The following BMP2K variants were observed in gnomAD, a reference collection of about 807,000 sequenced individuals.
The protein encoded by BMP2K is BMP-2-inducible protein kinase.
A neutral mutation model predicts 116.0 loss-of-function variants in BMP2K; 74 were observed. The observed-to-expected ratio is 0.64, with a 90% CI of 0.53 to 0.77. The LOEUF is 0.77. Ranked by LOEUF, BMP2K falls within the 30% of genes least tolerant of loss-of-function variation. The pLI, the probability that BMP2K is intolerant of heterozygous loss-of-function variation, is 0.00. For synonymous variants in BMP2K, 486 were observed against 502.5 expected (o/e 0.97, Z 0.44); for missense variants, 1,365 against 1,403.6 (o/e 0.97, Z 0.44).
At chr4:78,906,013 T>C (rs1002841743) in intron 15 of BMP2K, 1 of 152,098 alleles carries the variant, frequency 6.6e-6, no homozygotes, top group African/African-American at 2.4e-5. Flanking sequence ...TGAAATACTT[T>C]TTATTTTTGT....
chr4:78,829,410 T>G (rs1023864481), intron 2 of BMP2K, among the ~76,000 whole-genome samples: 9 of 151,398 alleles, frequency 5.9e-5, no homozygotes, highest in Middle Eastern at 3.4e-3. Context: ...TTGTTTTTTT[T>G]TTTTTTTCTG....
intron 3 of BMP2K, among the ~76,000 whole-genome samples, chr4:78,839,552 A>G (rs1262915922): frequency 6.6e-6 from 1 of 152,196 alleles, no homozygotes; most frequent in African/African-American, 2.4e-5. Context: ...TACTACAGAT[A>G]AAATTGAAAA....
At chr4:78,828,446 G>C (rs1208566660) in intron 2 of BMP2K, among the ~76,000 whole-genome samples, 1 of 152,128 alleles carries the variant, frequency 6.6e-6, no homozygotes, top group Non-Finnish European at 1.5e-5. Flanking sequence ...GGTTTTTATG[G>C]AAGCTTCATG....
Position 78,911,183 on chromosome 4 carries a change from A to G in BMP2K, c.2636A>G (p.Asn879Ser), listed in dbSNP as rs1303553012. 2 of 1,613,548 alleles carry G rather than the reference A, an allele frequency of 1.2e-6. No individual in the cohort carries two copies. Among genetic ancestry groups the G allele is most frequent in the Non-Finnish European group, 1.7e-6 (2 of 1,179,764 alleles). The change falls in exon 16 of 16, where the codon AAC becomes AGC. Residue 879 changes from asparagine to serine, a missense_variant. This residue lies in a region of BMP2K where 596 missense variants were observed against 623.2 expected (regional missense o/e 0.96). Transcript: ENST00000502613. ...QQPQQEKNEK[N>S]LPQHRFPAAG... ...CCCCAGCAAGAAAAGAATGAAAAGAACCTCCCTCAACACAGGTTTCCTGCT... is the reference window on the plus strand; with the variant it reads ...CCCCAGCAAGAAAAGAATGAAAAGAGCCTCCCTCAACACAGGTTTCCTGCT...
intron 1 of BMP2K, among the ~76,000 whole-genome samples, chr4:78,814,862 T>C (rs1161635393): frequency 6.6e-6 from 1 of 152,174 alleles, no homozygotes; most frequent in Non-Finnish European, 1.5e-5. Context: ...ACATTTGATA[T>C]TATTATATTC....
chr4:78,834,446 A>G (rs1347850012), intron 3 of BMP2K, among the ~76,000 whole-genome samples: 2 of 151,954 alleles, frequency 1.3e-5, no homozygotes, highest in East Asian at 1.9e-4. Context: ...TATTTTTAGT[A>G]GAGATGGGGT....
chr4:78,806,629 C>T (rs1458636613), intron 1 of BMP2K, among the ~76,000 whole-genome samples: 1 of 152,070 alleles, frequency 6.6e-6, no homozygotes, highest in Non-Finnish European at 1.5e-5. Flanking sequence ...TATATACCTG[C>T]TGTGTATCAA....
chr4:78,810,890 A>G (rs903310899), intron 1 of BMP2K, among the ~76,000 whole-genome samples: 10 of 152,222 alleles, frequency 6.6e-5, no homozygotes, highest in Admixed American at 3.9e-4. Flanking sequence ...AATTTTTGCC[A>G]GTATCCTCAT....
At chr4:78,860,975 C>T (rs1731749681) in intron 8 of BMP2K, among the ~76,000 whole-genome samples, 1 of 151,782 alleles carries the variant, frequency 6.6e-6, no homozygotes, top group African/African-American at 2.4e-5. Context: ...TTTTCCAGGC[C>T]TTACATTCTG....
At chr4:78,793,310 T>C (rs1578471004) in intron 1 of BMP2K, among the ~76,000 whole-genome samples, 1 of 150,158 alleles carries the variant, frequency 6.7e-6, no homozygotes, top group African/African-American at 2.5e-5. Flanking sequence ...CTCGGGAGGC[T>C]GAGGCAGGAG....
Position 78,870,954 on chromosome 4 carries a change from AACAGCAACAGCAGCAG to A in BMP2K, c.1404_1419del (p.Gln468HisfsTer47), listed in dbSNP as rs1446994452. 6.2e-7 allele frequency: 1 copy of A among 1,610,568 alleles called. No individual in the cohort carries two copies. Among genetic ancestry groups the A allele is most frequent in the African/African-American group, 1.3e-5 (1 of 74,074 alleles). On this transcript the variant is annotated frameshift_variant, in exon 11 of 16. Transcript: ENST00000502613. LOFTEE classifies it high-confidence loss of function. ...CAGCAGCAGCAGCAGCAGCAGCAGC[AACAGCAACAGCAGCAG>A]CAGCAACAGCAACAGCAGCAGCAGC...
intron 3 of BMP2K, among the ~76,000 whole-genome samples, chr4:78,841,964 A>G (rs1730779383): frequency 6.6e-6 from 1 of 151,970 alleles, no homozygotes; most frequent in African/African-American, 2.4e-5. Flanking sequence ...TATTATTATG[A>G]TATATAATTA....
rs867814387 is a variant in BMP2K, at chr4:78,834,358, T to A, written c.403+671T>A. Among the ~76,000 whole-genome samples, 24 of 151,070 alleles carry A rather than the reference T, an allele frequency of 1.6e-4. No individual in the cohort carries two copies. In the Middle Eastern group the frequency reaches 0.024, roughly 154 times the overall value. ...CTCACTACCAGCTCGGCCTCCCGGG[T>A]TCATGCCATTCTCCTGCCTCAGCCT... On this transcript the variant is annotated intron_variant, in intron 3 of 15. Coordinates refer to ENST00000502613, the MANE Select transcript of BMP2K (RefSeq NM_198892.2).
intron 4 of BMP2K, 150 bp downstream of exon 4, chr4:78,842,677 G>A (rs1270254565): frequency 1.5e-6 from 1 of 686,046 alleles, no homozygotes; most frequent in Non-Finnish European, 2.1e-6. Flanking sequence ...AAGAATGACT[G>A]TAGCTTTGAA....
intron 15 of BMP2K, among the ~76,000 whole-genome samples, chr4:78,893,738 A>C (rs1171468718): frequency 2.0e-5 from 3 of 152,192 alleles, no homozygotes; most frequent in African/African-American, 7.2e-5. Flanking sequence ...AATTCTTTAA[A>C]GTTTTCCTTA....
intron 7 of BMP2K, among the ~76,000 whole-genome samples, chr4:78,853,034 A>AATCAGG (rs1731332098): frequency 6.6e-6 from 1 of 152,174 alleles, no homozygotes; most frequent in Non-Finnish European, 1.5e-5. Flanking sequence ...CATTCAGAAA[A>AATCAGG]ATCAGGAATT....
intron 13 of BMP2K, among the ~76,000 whole-genome samples, chr4:78,878,440 T>G (rs981825679): frequency 6.6e-6 from 1 of 152,196 alleles, no homozygotes; most frequent in African/African-American, 2.4e-5. Context: ...ATGAGGTGGA[T>G]ACTATTACTC....
intron 10 of BMP2K, 71 bp downstream of exon 10, chr4:78,865,791 G>C (rs1732021431): frequency 4.8e-6 from 7 of 1,461,054 alleles, no homozygotes; most frequent in Non-Finnish European, 5.7e-6. Flanking sequence ...TTGATTTCCT[G>C]ACCTCAGGTG....
chr4:78,812,205 G>C (rs1187517059), intron 1 of BMP2K, among the ~76,000 whole-genome samples: 1 of 152,118 alleles, frequency 6.6e-6, no homozygotes, highest in Non-Finnish European at 1.5e-5. Context: ...CTGACCTCAC[G>C]TGATCCACCC....
Sources: gnomAD v4.1 joint callset for allele counts (sites outside exome capture counted in the v4.1 genomes callset) on GRCh38, gnomAD v4.1.1 for gene constraint, gnomAD v4.1.1 regional missense constraint, MANE v1.5 for transcripts, NCBI Gene and HGNC (gene_info 2026-07-23, HGNC 2026-07-21) for gene names.